ZFHX3: variants seen among roughly 807,000 people sequenced by gnomAD.
ZFHX3 encodes the protein zinc finger homeobox 3, also known as zinc finger homeobox protein 3.
Under a neutral mutation model 279.1 loss-of-function variants are expected in ZFHX3, and 42 were observed. That is an observed-to-expected ratio of 0.15 (90% CI 0.12 to 0.19). ZFHX3 has a LOEUF of 0.19. Among genes scored for constraint, ZFHX3 ranks in the 10% least tolerant of loss-of-function variants. The pLI is 1.00. For synonymous variants in ZFHX3, 2,293 were observed against 1,957.8 expected, an observed-to-expected ratio of 1.17 and a Z score of -4.52; for missense variants, 4,981 against 4,754.0, an observed-to-expected ratio of 1.05 and a Z score of -1.40.
intron 4 of ZFHX3, among the ~76,000 whole-genome samples, chr16:73,268,440 CA>C (rs2014043111): frequency 6.6e-6 from 1 of 152,216 alleles, no homozygotes; most frequent in Non-Finnish European, 1.5e-5. Flanking sequence ...ACCCTACCCA[CA>C]GGAGACTGAC....
At chr16:72,939,657 G>C (rs1487295815) in intron 3 of ZFHX3, among the ~76,000 whole-genome samples, 1 of 152,256 alleles carries the variant, frequency 6.6e-6, no homozygotes, top group African/African-American at 2.4e-5. Context: ...GGAGGCCCAA[G>C]TGGGCGGATC....
rs1417627797 is a variant in ZFHX3 at position 72,960,137 on chromosome 16, G to A, written c.9C>T (p.Gly3=). ...TCCCCGAGACGACGGGCGAGTCACA[G>A]CCTTCCATGGTAAGGCCTGCGTGGA... ME[G]CDSPVVSGKD... The change falls in exon 2 of 10, where the codon GGC becomes GGT. Residue 3 remains glycine (G), a synonymous_variant. Transcript: ENST00000268489. The A allele has an allele frequency of 6.3e-7, 1 of 1,577,220 alleles. No homozygotes were observed.
chr16:73,023,362 A>AC (rs1013373821), intron 1 of ZFHX3, among the ~76,000 whole-genome samples: 2 of 151,754 alleles, frequency 1.3e-5, no homozygotes, highest in Admixed American at 6.6e-5. Context: ...CTGGAGGGAA[A>AC]CCCCCCTTAG....
chr16:73,189,766 T>G (rs1488141137), intron 5 of ZFHX3, among the ~76,000 whole-genome samples: 1 of 152,090 alleles, frequency 6.6e-6, no homozygotes, highest in Non-Finnish European at 1.5e-5. Flanking sequence ...AGCATCTCCG[T>G]GTACCGGGAA....
At chr16:73,243,510 G>T (rs1442248088) in intron 5 of ZFHX3, among the ~76,000 whole-genome samples, 2 of 152,136 alleles carry the variant, frequency 1.3e-5, no homozygotes, top group Admixed American at 1.3e-4. Flanking sequence ...ATCTGCCAAG[G>T]TAATAGGTTT....
intron 4 of ZFHX3, among the ~76,000 whole-genome samples, chr16:73,294,811 CA>C (rs113664978): frequency 0.16 from 21,086 of 132,776 alleles, 1,886 homozygotes; most frequent in African/African-American, 0.27. Context: ...GACTCCATCT[CA>C]AAAAAAAAAA....
intron 2 of ZFHX3, among the ~76,000 whole-genome samples, chr16:73,675,251 G>A (rs746824410): frequency 1.1e-4 from 16 of 152,106 alleles, no homozygotes; most frequent in Non-Finnish European, 1.8e-4. Flanking sequence ...GGGGACCAGG[G>A]AAGCAGAGTC....
intron 2 of ZFHX3, among the ~76,000 whole-genome samples, chr16:73,593,942 T>C (rs2052023952): frequency 6.6e-6 from 1 of 152,238 alleles, no homozygotes; most frequent in Non-Finnish European, 1.5e-5. Context: ...CTCTTGTTAA[T>C]GGTCAAATAC....
At chr16:73,683,988 A>G (rs2053053049) in intron 1 of ZFHX3, among the ~76,000 whole-genome samples, 2 of 152,242 alleles carry the variant, frequency 1.3e-5, no homozygotes, top group Admixed American at 6.5e-5. Context: ...CTGTGTTCCA[A>G]TAAAACTTTA....
intron 1 of ZFHX3, among the ~76,000 whole-genome samples, chr16:73,857,926 G>C (rs1333154506): frequency 6.6e-6 from 1 of 152,030 alleles, no homozygotes; most frequent in African/African-American, 2.4e-5. Context: ...GGCCAACATG[G>C]TGAAACCGAA....
At chr16:73,245,553 G>C (rs1727852427) in intron 5 of ZFHX3, among the ~76,000 whole-genome samples, 1 of 152,348 alleles carries the variant, frequency 6.6e-6, no homozygotes, top group South Asian at 2.1e-4. Context: ...ATAATAATGA[G>C]ATGGCCTCAA....
At chr16:73,485,011 C>T (rs1302690295) in intron 2 of ZFHX3, among the ~76,000 whole-genome samples, 1 of 152,016 alleles carries the variant, frequency 6.6e-6, no homozygotes, top group Non-Finnish European at 1.5e-5. Flanking sequence ...GAAGTGTCCT[C>T]AGAGACACGA....
In ZFHX3 at chr16:72,793,589, G is replaced by A. The variant is rs758237203; in HGVS notation, c.9093C>T (p.Ile3031=). 3 of 1,614,196 alleles carry A rather than the reference G, an allele frequency of 1.9e-6. No individual in the cohort carries two copies. The highest frequency in any genetic ancestry group is 1.1e-5 in the South Asian group (1 of 91,084). Residue 3031 remains isoleucine, a synonymous_variant, in exon 9 of 10, where the codon ATC becomes ATT. Transcript: ENST00000268489. The surrounding 1 kb of genome is among the most constrained non-coding windows in gnomAD (Gnocchi z 4.3). The stretch of plus-strand genomic sequence containing the variant: ...GTACAGACAGCCGAGCGCTGTACTT[G>A]ATGCCACACAAAGTGCACTCTGTTT... The part of the protein sequence containing the change: ...GPKTECTLCG[I]KYSARLSVRD...
intron 5 of ZFHX3, among the ~76,000 whole-genome samples, chr16:73,162,176 G>T (rs1176953409): frequency 6.6e-6 from 1 of 152,236 alleles, no homozygotes; most frequent in Non-Finnish European, 1.5e-5. Flanking sequence ...ACAGGTCAGT[G>T]AGCAAAGGTT....
chr16:73,516,354 C>T (rs748081260), intron 2 of ZFHX3, among the ~76,000 whole-genome samples: 1 of 152,058 alleles, frequency 6.6e-6, no homozygotes, highest in Non-Finnish European at 1.5e-5. Context: ...CATGCATACA[C>T]GTGTATGTTA....
intron 4 of ZFHX3, among the ~76,000 whole-genome samples, chr16:72,835,195 C>T (rs1314181856): frequency 6.6e-5 from 10 of 152,134 alleles, no homozygotes; most frequent in Admixed American, 5.9e-4. Context: ...GTTTGCCTGT[C>T]GGCAGGCTCA....
At chr16:73,089,293 G>T (rs892003011) in intron 8 of ZFHX3, among the ~76,000 whole-genome samples, 1 of 152,038 alleles carries the variant, frequency 6.6e-6, no homozygotes, top group African/African-American at 2.4e-5. Context: ...TAATAAAGAC[G>T]AGGTTTCACT....
intron 2 of ZFHX3, among the ~76,000 whole-genome samples, chr16:73,579,655 C>T (rs1452778478): frequency 1.3e-5 from 2 of 150,262 alleles, no homozygotes; most frequent in African/African-American, 4.9e-5. Flanking sequence ...GCACCCGCCA[C>T]CATGCCTGGC....
chr16:73,033,173 C>G (rs1964770318), intron 1 of ZFHX3, among the ~76,000 whole-genome samples: 2 of 152,252 alleles, frequency 1.3e-5, no homozygotes, highest in South Asian at 4.1e-4. Context: ...CACCTCCTTA[C>G]CCCCTACCCC....
Sources: allele counts gnomAD v4.1 joint callset (sites outside exome capture counted in the v4.1 genomes callset), GRCh38; gene constraint gnomAD v4.1.1; non-coding constraint Gnocchi (gnomAD v3.1); transcripts MANE v1.5; gene names NCBI Gene and HGNC (gene_info 2026-07-23, HGNC 2026-07-21).